Variants in ARL15 observed in about 807,000 individuals in gnomAD.
The protein encoded by ARL15 is ARF like GTPase 15.
In ARL15, 19 loss-of-function variants were observed where a neutral mutation model predicts 25.2. That is an observed-to-expected ratio of 0.75 (90% CI 0.53 to 1.10). ARL15 has a LOEUF of 1.10. Ranked by LOEUF, ARL15 falls within the 50% of genes least tolerant of loss-of-function variation. The probability of loss-of-function intolerance (pLI) is 0.00; values close to 1 mark genes in which losing one functional copy is unlikely to be tolerated. For missense variants in ARL15, 220 were observed against 246.0 expected, an observed-to-expected ratio of 0.89 and a Z score of 0.71; for synonymous variants, 94 against 86.8, an observed-to-expected ratio of 1.08 and a Z score of -0.46.
intron 4 of ARL15, among the ~76,000 whole-genome samples, chr5:53,898,335 G>A (rs1744939465): frequency 1.3e-5 from 2 of 152,192 alleles, no homozygotes; most frequent in South Asian, 4.1e-4. Flanking sequence ...TGTGGCATGA[G>A]TTGGGAAGTG....
intron 1 of ARL15, among the ~76,000 whole-genome samples, chr5:54,309,788 A>C (rs554607855): frequency 6.6e-6 from 1 of 152,310 alleles, no homozygotes; most frequent in African/African-American, 2.4e-5. Context: ...GCCTGGCCTA[A>C]ACAGCCGGGT....
At chr5:54,281,157 G>C (rs1266733912) in intron 1 of ARL15, among the ~76,000 whole-genome samples, 3 of 151,458 alleles carry the variant, frequency 2.0e-5, no homozygotes, top group Admixed American at 1.3e-4. Context: ...TTTTGTTTTT[G>C]AGACCGAGTT....
intron 1 of ARL15, among the ~76,000 whole-genome samples, chr5:54,306,495 A>C (rs7737814): frequency 5.1e-4 from 76 of 149,780 alleles, no homozygotes; most frequent in African/African-American, 1.8e-3. Flanking sequence ...GGTTCAAGCG[A>C]TTCTCCTGCC....
chr5:54,126,598 TG>T (rs1450277143), intron 3 of ARL15, among the ~76,000 whole-genome samples: 2 of 152,130 alleles, frequency 1.3e-5, no homozygotes, highest in Non-Finnish European at 2.9e-5. Flanking sequence ...CCAACAGTGT[TG>T]GGGGGTAGGG....
chr5:54,006,487 T>G (rs1474654600), intron 4 of ARL15, among the ~76,000 whole-genome samples: 1 of 151,480 alleles, frequency 6.6e-6, no homozygotes, highest in Non-Finnish European at 1.5e-5. Context: ...TTTTTTAACA[T>G]GAAATCCACA....
intron 3 of ARL15, among the ~76,000 whole-genome samples, chr5:54,132,185 A>G (rs1753458853): frequency 6.6e-6 from 1 of 152,180 alleles, no homozygotes; most frequent in Non-Finnish European, 1.5e-5. Context: ...CAATATGTAT[A>G]TGGATGAACA....
At chr5:54,235,478 T>TA (rs1756776989) in intron 1 of ARL15, among the ~76,000 whole-genome samples, 1 of 148,844 alleles carries the variant, frequency 6.7e-6, no homozygotes. Context: ...ATATGCACGT[T>TA]AATTCTATAG....
intron 1 of ARL15, among the ~76,000 whole-genome samples, chr5:54,282,037 C>T (rs1034673877): frequency 6.6e-6 from 1 of 152,190 alleles, no homozygotes; most frequent in Non-Finnish European, 1.5e-5. Flanking sequence ...ACCTTTCCTA[C>T]ACAGGTCTTC....
At chr5:54,154,689 T>A in intron 2 of ARL15, 50 bp from the exon 3 acceptor site, 1 of 1,156,952 alleles carries the variant, frequency 8.6e-7, no homozygotes. Context: ...ACTTTTAAAT[T>A]AAAACACTTA....
At chr5:53,950,872 CGA>C (rs1182421524) in intron 4 of ARL15, among the ~76,000 whole-genome samples, 2 of 152,168 alleles carry the variant, frequency 1.3e-5, no homozygotes, top group African/African-American at 2.4e-5. Context: ...ATTAAAATCC[CGA>C]GACAGACGGG....
chr5:54,072,065 C>A (rs1042373301), intron 4 of ARL15, among the ~76,000 whole-genome samples: 3 of 151,912 alleles, frequency 2.0e-5, no homozygotes, highest in African/African-American at 7.3e-5. Context: ...CCCACACCCA[C>A]AAACCTGCCA....
chr5:54,274,485 T>C (rs1757873003), intron 1 of ARL15, among the ~76,000 whole-genome samples: 1 of 152,224 alleles, frequency 6.6e-6, no homozygotes, highest in Non-Finnish European at 1.5e-5. Context: ...GAGGGACATT[T>C]GTGGCTCTCA....
chr5:54,058,614 A>G (rs186658191), intron 4 of ARL15, among the ~76,000 whole-genome samples: 6 of 152,308 alleles, frequency 3.9e-5, no homozygotes, highest in African/African-American at 1.4e-4. Context: ...GCAGAGGGAA[A>G]AGCACAAAAG....
intron 1 of ARL15, among the ~76,000 whole-genome samples, chr5:54,241,314 A>T (rs1201685683): frequency 1.3e-5 from 2 of 152,204 alleles, no homozygotes; most frequent in African/African-American, 4.8e-5. Flanking sequence ...AGTAATCTAA[A>T]TATAATTCAC....
chr5:54,233,660 G>A (rs1756727848), intron 1 of ARL15, among the ~76,000 whole-genome samples: 2 of 152,208 alleles, frequency 1.3e-5, no homozygotes, highest in South Asian at 4.1e-4. Context: ...TCACTGATAT[G>A]GTTTCAGGTT....
At chr5:53,979,558 AAACAAC>A (rs910390021) in intron 4 of ARL15, among the ~76,000 whole-genome samples, 4 of 152,024 alleles carry the variant, frequency 2.6e-5, no homozygotes, top group African/African-American at 9.7e-5. Context: ...ACCAAAACCT[AAACAAC>A]AACAACAACA....
chr5:53,888,144 G>A (rs1744594413), intron 4 of ARL15, among the ~76,000 whole-genome samples: 1 of 151,948 alleles, frequency 6.6e-6, no homozygotes, highest in African/African-American at 2.4e-5. Context: ...GAAGAGTAAT[G>A]AACACCTCAC....
At chr5:53,979,349 A>C (rs1345099717) in intron 4 of ARL15, among the ~76,000 whole-genome samples, 1 of 152,136 alleles carries the variant, frequency 6.6e-6, no homozygotes, top group African/African-American at 2.4e-5. Flanking sequence ...CCTGGGCAAC[A>C]TAGTGAGACC....
At chr5:54,225,153 G>T (rs571081339) in intron 1 of ARL15, among the ~76,000 whole-genome samples, 1 of 152,122 alleles carries the variant, frequency 6.6e-6, no homozygotes, top group Admixed American at 6.5e-5. Flanking sequence ...CACACAGTAG[G>T]TACTCAATTA....
Sources: allele counts gnomAD v4.1 joint callset (sites outside exome capture counted in the v4.1 genomes callset), GRCh38; gene constraint gnomAD v4.1.1; transcripts MANE v1.5; gene names NCBI Gene and HGNC (gene_info 2026-07-23, HGNC 2026-07-21).